Variants in TNNT1 observed in about 807,000 individuals in gnomAD.
TNNT1 encodes the protein troponin T1, slow skeletal type, also known as troponin T, slow skeletal muscle.
In TNNT1, 53 loss-of-function variants were observed where a neutral mutation model predicts 50.6. That is an observed-to-expected ratio of 1.05 (90% CI 0.84 to 1.32). The LOEUF (loss-of-function observed/expected upper bound fraction) is 1.32. TNNT1 is among the 40% of genes most tolerant of loss of function. The pLI is 0.00. For synonymous variants in TNNT1, 142 were observed against 138.0 expected (o/e 1.03, Z -0.20); for missense variants, 348 against 381.7 (o/e 0.91, Z 0.74).
rs1306562801 is a variant in TNNT1, at chr19:55,134,188, G to A, written c.628C>T (p.Leu210=). 3.8e-6 allele frequency: 6 copies of A among 1,581,400 alleles called. No homozygotes were observed. In the South Asian group the frequency reaches 6.9e-5, roughly 18 times the overall value. ...GGGCAGGAGGGCTGTGATGGAGGCA[G>A]CCAGGCAGACCGGGCCCTAGGCCCA... ...EEQLRARSAW[L]PPSQPSCPAR... Residue 210 remains leucine (L), a synonymous_variant, in exon 12 of 14, where the codon CTG becomes TTG. Coordinates refer to ENST00000588981, the MANE Select transcript of TNNT1 (RefSeq NM_003283.6).
Position 55,146,904 on chromosome 19 carries a change from G to A in TNNT1, c.46+104C>T, listed in dbSNP as rs1052602293. ...GGAGAGGGCGGGCGAGGGCCCGAGG[G>A]CTGAGCCGCCCCTTCCCCGCCAAAG... On this transcript the variant is annotated intron_variant, in intron 3 of 13. Transcript: ENST00000588981. 16 of 1,427,698 alleles carry A rather than the reference G, an allele frequency of 1.1e-5. No individual in the cohort carries two copies. The Admixed American group carries it at 3.0e-4, about 27-fold the overall frequency. 88.4% of individuals were successfully genotyped at this position (1,427,698 alleles called of 1,614,324 possible).
At chr19:55,143,986 T>A (rs1389148212) in intron 6 of TNNT1, among the ~76,000 whole-genome samples, 1 of 151,896 alleles carries the variant, frequency 6.6e-6, no homozygotes, top group Non-Finnish European at 1.5e-5. Context: ...TCCCCATTGC[T>A]TCCCTCCCCT....
chr19:55,145,710 G>C (rs1366242822), intron 5 of TNNT1, 145 bp from the exon 6 acceptor site: 23 of 771,952 alleles, frequency 3.0e-5, no homozygotes, highest in Non-Finnish European at 4.0e-5. Flanking sequence ...CTGGAGGAGG[G>C]GGGATGGGGA....
chr19:55,146,735 C>A, intron 3 of TNNT1, 28 bp from the exon 4 acceptor site: 1 of 1,486,894 alleles, frequency 6.7e-7, no homozygotes, highest in Non-Finnish European at 9.0e-7. Context: ...GAAGAGAAGG[C>A]GTTAGGAGCT....
intron 10 of TNNT1, 117 bp from the exon 11 acceptor site, chr19:55,137,329 C>T (rs1470147599): frequency 5.7e-6 from 4 of 706,746 alleles, no homozygotes; most frequent in African/African-American, 1.7e-5. Flanking sequence ...CACAGGTCTG[C>T]ACCCCAGGCC....
intron 12 of TNNT1, 66 bp downstream of exon 12, chr19:55,134,000 G>A: frequency 6.2e-7 from 1 of 1,612,708 alleles, no homozygotes; most frequent in Non-Finnish European, 8.5e-7. Flanking sequence ...CCTGCCTGGA[G>A]TTTGCTGGTC....
At chr19:55,144,616 C>T (rs2085514774) in intron 6 of TNNT1, among the ~76,000 whole-genome samples, 1 of 152,196 alleles carries the variant, frequency 6.6e-6, no homozygotes, top group Non-Finnish European at 1.5e-5. Context: ...GAACTCCTAT[C>T]CTCAAGTGAT....
At chr19:55,141,155 A>C (rs1416285655) in intron 8 of TNNT1, 31 bp downstream of exon 8, 1 of 1,585,762 alleles carries the variant, frequency 6.3e-7, no homozygotes, top group African/African-American at 1.3e-5. Flanking sequence ...GGAGGGAGGA[A>C]GACCGGGGGG....
intron 11 of TNNT1, among the ~76,000 whole-genome samples, chr19:55,135,846 T>C (rs932247551): frequency 1.3e-5 from 2 of 152,056 alleles, no homozygotes; most frequent in Non-Finnish European, 2.9e-5. Context: ...ACATGAACCA[T>C]GTGCACAGGA....
At position 55,133,904 on chromosome 19, in the gene TNNT1, G is replaced by T. The variant is rs890470817; in HGVS notation, c.774C>A (p.Ile258=). The change falls in exon 13 of 14, where the codon ATC becomes ATA. Residue 258 remains isoleucine, a synonymous_variant. Coordinates refer to ENST00000588981, the MANE Select transcript of TNNT1 (RefSeq NM_003283.6). ...KYEINVLYNR[I]SHAQKFRKGA... ...ACACTCACAACTTCTGGGCGTGGCT[G>T]ATGCGGTTGTACAGCACGTTGATCT... 9 of 1,613,768 alleles carry T rather than the reference G, an allele frequency of 5.6e-6. No individual in the cohort carries two copies. Among genetic ancestry groups the T allele is most frequent in the Non-Finnish European group, 7.6e-6 (9 of 1,180,052 alleles).
chr19:55,146,544 G>A (rs1049672011), intron 4 of TNNT1, 78 bp from the exon 5 acceptor site: 2 of 1,141,266 alleles, frequency 1.8e-6, no homozygotes, highest in Non-Finnish European at 2.4e-6. Context: ...GGAGGGGAGA[G>A]AGGGAAGAGA....
intron 11 of TNNT1, among the ~76,000 whole-genome samples, chr19:55,136,581 G>A (rs2085349223): frequency 6.6e-6 from 1 of 152,200 alleles, no homozygotes; most frequent in African/African-American, 2.4e-5. Context: ...ACCCGATCAC[G>A]GCGCCACTCT....
At chr19:55,143,763 A>G (rs930166693) in intron 6 of TNNT1, among the ~76,000 whole-genome samples, 3 of 151,872 alleles carry the variant, frequency 2.0e-5, no homozygotes, top group Non-Finnish European at 4.4e-5. Context: ...CATTCACTCC[A>G]ATGACTTCAG....
At chr19:55,141,381 G>T in intron 7 of TNNT1, 79 bp from the exon 8 acceptor site, 1 of 1,065,422 alleles carries the variant, frequency 9.4e-7, no homozygotes. Context: ...CATGCAGGAT[G>T]GTGAACTGAA....
intron 9 of TNNT1, 50 bp from the exon 10 acceptor site, chr19:55,138,124 G>T (rs765468807): frequency 3.2e-5 from 52 of 1,613,336 alleles, no homozygotes; most frequent in African/African-American, 4.0e-5. Context: ...AGGACTGAGG[G>T]AGGAGGGCCC....
intron 8 of TNNT1, 27 bp downstream of exon 8, chr19:55,141,159 C>T (rs201908002): frequency 8.8e-6 from 14 of 1,594,498 alleles, no homozygotes; most frequent in Middle Eastern, 3.3e-4. Context: ...GGAGGAAGAC[C>T]GGGGGGAACC....
chr19:55,145,974 T>G (rs1247008547), intron 5 of TNNT1, among the ~76,000 whole-genome samples: 5 of 65,724 alleles, frequency 7.6e-5, no homozygotes, highest in East Asian at 3.5e-4. Context: ...GCTCGCCCCC[T>G]GCCCACCGCC....
At chr19:55,137,293 C>A in intron 10 of TNNT1, 81 bp from the exon 11 acceptor site, 1 of 975,188 alleles carries the variant, frequency 1.0e-6, no homozygotes, top group Non-Finnish European at 1.6e-6. Context: ...CACGTCGGAT[C>A]CCACAGACCA....
intron 4 of TNNT1, 51 bp downstream of exon 4, chr19:55,146,630 T>TGCCCCCCC: frequency 3.9e-6 from 4 of 1,025,162 alleles, no homozygotes; most frequent in Non-Finnish European, 5.5e-6. Flanking sequence ...GGGCCCAGCG[T>TGCCCCCCC]CCCCGCCCCC....
Sources: allele counts gnomAD v4.1 joint callset (sites outside exome capture counted in the v4.1 genomes callset), GRCh38; gene constraint gnomAD v4.1.1; transcripts MANE v1.5; gene names NCBI Gene and HGNC (gene_info 2026-07-23, HGNC 2026-07-21).